CAMK2D: variants seen among roughly 807,000 people sequenced by gnomAD.
The protein encoded by CAMK2D is calcium/calmodulin-dependent protein kinase type II subunit delta.
In CAMK2D, 37 loss-of-function variants were observed where a neutral mutation model predicts 84.0. The observed-to-expected ratio is 0.44, with a 90% CI of 0.34 to 0.58. CAMK2D has a LOEUF of 0.58. Ranked by LOEUF, CAMK2D falls within the 20% of genes least tolerant of loss-of-function variation. The pLI is 0.02. For synonymous variants in CAMK2D, 202 were observed against 212.5 expected (o/e 0.95, Z 0.43); for missense variants, 448 against 652.5 (o/e 0.69, Z 3.41).
In CAMK2D at chr4:113,512,257, T is replaced by TATCA. The variant is rs201200920; in HGVS notation, c.946+1067_946+1070dup. 5.7e-3 allele frequency among the ~76,000 whole-genome samples: 863 copies of TATCA among 152,324 alleles called. 7 individuals are homozygous for TATCA. The highest frequency in any genetic ancestry group is 0.02 in the African/African-American group (829 of 41,566). On this transcript the variant is annotated intron_variant, in intron 12 of 20. Coordinates refer to ENST00000511664, the MANE Select transcript of CAMK2D (RefSeq NM_001321571.2). ...GGGAACCTGGTCCTTTGAGACAATC[T>TATCA]ATCAAAGAAGGAGGTTGCAAAACTC...
At chr4:113,644,844 A>G (rs538922454) in intron 3 of CAMK2D, among the ~76,000 whole-genome samples, 2 of 152,306 alleles carry the variant, frequency 1.3e-5, no homozygotes, top group South Asian at 4.1e-4. Context: ...ATCCAAGAAA[A>G]AAAAGCATTA....
chr4:113,732,404 T>G (rs1386534425), intron 2 of CAMK2D, among the ~76,000 whole-genome samples: 3 of 152,154 alleles, frequency 2.0e-5, no homozygotes, highest in African/African-American at 7.2e-5. Context: ...ATTACAGGTG[T>G]GAGCCACCGT....
chr4:113,603,242 A>G (rs1025044399), intron 4 of CAMK2D, among the ~76,000 whole-genome samples: 29 of 151,968 alleles, frequency 1.9e-4, no homozygotes, highest in African/African-American at 6.3e-4. Flanking sequence ...TTTCAGTTTT[A>G]GGGTACATGT....
intron 5 of CAMK2D, among the ~76,000 whole-genome samples, chr4:113,551,144 A>C (rs1466075049): frequency 1.3e-5 from 2 of 152,190 alleles, no homozygotes; most frequent in Non-Finnish European, 2.9e-5. Flanking sequence ...AGATTTTTAA[A>C]AATAAATGAC....
chr4:113,534,744 A>G (rs1233418508), intron 7 of CAMK2D, among the ~76,000 whole-genome samples: 2 of 152,200 alleles, frequency 1.3e-5, no homozygotes, highest in African/African-American at 4.8e-5. Context: ...TTATAGCTCA[A>G]TCAAGTTTCT....
At chr4:113,697,422 T>G (rs1232446263) in intron 2 of CAMK2D, among the ~76,000 whole-genome samples, 2 of 152,052 alleles carry the variant, frequency 1.3e-5, no homozygotes, top group Admixed American at 1.3e-4. Flanking sequence ...TATGGAGATT[T>G]TCAAGAGCCA....
intron 2 of CAMK2D, among the ~76,000 whole-genome samples, chr4:113,662,719 T>C (rs2154314882): frequency 6.6e-6 from 1 of 152,344 alleles, no homozygotes; most frequent in African/African-American, 2.4e-5. Context: ...CTTTTGCATT[T>C]ATGATGCAAC....
At chr4:113,529,506 A>G (rs1483353365) in intron 8 of CAMK2D, among the ~76,000 whole-genome samples, 2 of 152,196 alleles carry the variant, frequency 1.3e-5, no homozygotes, top group Admixed American at 1.3e-4. Flanking sequence ...TTAGGTATCT[A>G]CTTGTAGGCT....
chr4:113,507,560 C>T (rs2098145831), intron 13 of CAMK2D, among the ~76,000 whole-genome samples: 2 of 152,078 alleles, frequency 1.3e-5, no homozygotes, highest in Admixed American at 6.6e-5. Flanking sequence ...TGAGACACCG[C>T]TCCTGGCCCA....
At chr4:113,579,080 T>TA (rs2098796924) in intron 4 of CAMK2D, among the ~76,000 whole-genome samples, 1 of 152,232 alleles carries the variant, frequency 6.6e-6, no homozygotes, top group Non-Finnish European at 1.5e-5. Context: ...ACCAATCACT[T>TA]ACATTATCTG....
At chr4:113,710,131 G>C (rs1244226364) in intron 2 of CAMK2D, among the ~76,000 whole-genome samples, 1 of 151,924 alleles carries the variant, frequency 6.6e-6, no homozygotes, top group Non-Finnish European at 1.5e-5. Flanking sequence ...ATTTTGACAA[G>C]ACTTACATAT....
chr4:113,505,022 G>C lies in CAMK2D; in HGVS notation c.998C>G (p.Ala333Gly). Reference sequence around the variant, plus strand: ...TTCTTTGGGGCTGGTTACCACGTTGGCTTTGTTGTTTATCTGTGGGTATGC... The same window carrying C: ...TTCTTTGGGGCTGGTTACCACGTTGCCTTTGTTGTTTATCTGTGGGTATGC... ...KPDGVKINNKANVVTSPKENI... is the reference protein window; with the variant it reads ...KPDGVKINNKGNVVTSPKENI... Residue 333 changes from alanine to glycine, a missense_variant, in exon 14 of 21, where the codon GCC (alanine) becomes GGC (glycine). Around this residue, in one of 7 missense-constraint regions of CAMK2D, gnomAD observed 219 missense variants for 272.1 expected, o/e 0.80. Transcript: ENST00000511664. The C allele has an allele frequency of 1.3e-6, 2 of 1,581,730 alleles. No homozygotes were observed. Among genetic ancestry groups the C allele is most frequent in the South Asian group, 2.3e-5 (2 of 87,672 alleles).
intron 4 of CAMK2D, among the ~76,000 whole-genome samples, chr4:113,581,859 C>T (rs1360965820): frequency 6.6e-6 from 1 of 152,102 alleles, no homozygotes; most frequent in East Asian, 1.9e-4. Context: ...AAAAGTAGAT[C>T]TGTAGGGGAA....
chr4:113,460,224 C>T lies in CAMK2D; in HGVS notation c.1229G>A (p.Gly410Asp), dbSNP rs139199077. 5.6e-6 allele frequency: 9 copies of T among 1,595,312 alleles called. No homozygotes were observed. Among genetic ancestry groups the T allele is most frequent in the African/African-American group, 4.0e-5 (3 of 74,196 alleles). Reference sequence around the variant, plus strand: ...AGCTTCAGGTTCAAAAGCAGTAAGGCCTGGGTCACAGATTTTTCTGTAAAA... The same window carrying T: ...AGCTTCAGGTTCAAAAGCAGTAAGGTCTGGGTCACAGATTTTTCTGTAAAA... ...FEAYTKICDP[G>D]LTAFEPEALG... The change falls in exon 18 of 21, where the codon GGC becomes GAC. Residue 410 changes from glycine to aspartate, a missense_variant. By Grantham distance (94) the Gly-to-Asp change is moderately conservative. Transcript: ENST00000511664.
At chr4:113,696,195 GACACACACACAC>G (rs56784441) in intron 2 of CAMK2D, among the ~76,000 whole-genome samples, 26 of 144,632 alleles carry the variant, frequency 1.8e-4, no homozygotes, top group African/African-American at 4.5e-4. Flanking sequence ...CAGACACACA[GACACACACACAC>G]ACACACACAC....
rs1425575358 is a variant in CAMK2D, at chr4:113,517,556, T to C, written c.696+7A>G. The C allele has an allele frequency of 1.4e-6, 2 of 1,389,072 alleles. No individual in the cohort carries two copies. Among genetic ancestry groups the C allele is most frequent in the East Asian group, 2.3e-5 (1 of 43,854 alleles). 86.0% of individuals were successfully genotyped at this position (1,389,072 alleles called of 1,614,324 possible). On this transcript the variant is annotated splice_region_variant and intron_variant, in intron 9 of 20. Transcript: ENST00000511664. Reference sequence around the variant, plus strand: ...CATCTAAAGTGATATAAATAGTTATTACATACATCATAAGCTCCAGCCTTG... The same window carrying C: ...CATCTAAAGTGATATAAATAGTTATCACATACATCATAAGCTCCAGCCTTG...
intron 2 of CAMK2D, among the ~76,000 whole-genome samples, chr4:113,706,416 C>T (rs978305232): frequency 6.6e-6 from 1 of 152,062 alleles, no homozygotes; most frequent in African/African-American, 2.4e-5. Flanking sequence ...TAATTTGACC[C>T]CTTGTCTATA....
At chr4:113,731,799 T>C (rs2099569705) in intron 2 of CAMK2D, among the ~76,000 whole-genome samples, 1 of 152,132 alleles carries the variant, frequency 6.6e-6, no homozygotes, top group African/African-American at 2.4e-5. Context: ...TTGGTCAGGC[T>C]GGTCTCAAAC....
chr4:113,639,678 G>A (rs1040585008), intron 3 of CAMK2D, among the ~76,000 whole-genome samples: 1 of 150,152 alleles, frequency 6.7e-6, no homozygotes, highest in Non-Finnish European at 1.5e-5. Flanking sequence ...GAGAAGAAGA[G>A]CGTCTCCCAC....
Sources: allele counts gnomAD v4.1 joint callset (sites outside exome capture counted in the v4.1 genomes callset), GRCh38; gene constraint gnomAD v4.1.1; regional missense constraint gnomAD v4.1.1; transcripts MANE v1.5; gene names NCBI Gene and HGNC (gene_info 2026-07-23, HGNC 2026-07-21).